DYNC2LI1: variants seen among roughly 807,000 people sequenced by gnomAD.
DYNC2LI1 encodes the protein cytoplasmic dynein 2 light intermediate chain 1.
In DYNC2LI1, 45 loss-of-function variants were observed where a neutral mutation model predicts 51.9. That is an observed-to-expected ratio of 0.87 (90% CI 0.68 to 1.11). The LOEUF (loss-of-function observed/expected upper bound fraction) is 1.11, where lower values mean the gene tolerates loss of function less well. Ranked by LOEUF, DYNC2LI1 falls within the 50% of genes most tolerant of loss-of-function variation. The pLI, the probability that DYNC2LI1 is intolerant of heterozygous loss-of-function variation, is 0.00. For synonymous variants in DYNC2LI1, 130 were observed against 137.8 expected, an observed-to-expected ratio of 0.94 and a Z score of 0.40; for missense variants, 490 against 417.4, an observed-to-expected ratio of 1.17 and a Z score of -1.51.
the DYNC2LI1 span, chr2:43,826,633 G>T: frequency 6.6e-7 from 1 of 1,511,170 alleles, no homozygotes; most frequent in Non-Finnish European, 9.1e-7. Flanking sequence ...TTCAAACAGT[G>T]TGCGGTGGGA....
chr2:43,823,088 A>G, the DYNC2LI1 span, among the ~76,000 whole-genome samples: 1 of 142,330 alleles, frequency 7.0e-6, no homozygotes, highest in South Asian at 2.2e-4. Flanking sequence ...CCTGCCATCC[A>G]CAGGACAATA....
At chr2:43,782,707 C>T (rs368604329) in intron 2 of DYNC2LI1, among the ~76,000 whole-genome samples, 6 of 152,174 alleles carry the variant, frequency 3.9e-5, no homozygotes, top group Non-Finnish European at 8.8e-5. Flanking sequence ...TGGGGTTGGG[C>T]ATGGTGGCTC....
the DYNC2LI1 span, chr2:43,828,086 C>G: frequency 6.2e-7 from 1 of 1,614,086 alleles, no homozygotes; most frequent in East Asian, 2.2e-5. Context: ...CCACATGGCT[C>G]AGACTCAGCT....
At chr2:43,824,965 C>A in the DYNC2LI1 span, 9 of 1,613,948 alleles carry the variant, frequency 5.6e-6, no homozygotes, top group South Asian at 9.9e-5. Flanking sequence ...TTTCCGCTGG[C>A]GTGCCACAGA....
chr2:43,787,135 A>G, intron 3 of DYNC2LI1, 46 bp from the exon 4 acceptor site: 1 of 1,500,202 alleles, frequency 6.7e-7, no homozygotes, highest in Non-Finnish European at 9.2e-7. Context: ...AGCATAAGAA[A>G]CTAATACCAC....
the DYNC2LI1 span, among the ~76,000 whole-genome samples, chr2:43,827,215 C>G: frequency 6.6e-6 from 1 of 151,868 alleles, no homozygotes; most frequent in East Asian, 1.9e-4. Context: ...ATCCCAGCTA[C>G]TCAGGAGGCT....
chr2:43,822,563 T>C, the DYNC2LI1 span: 1 of 983,264 alleles, frequency 1.0e-6, no homozygotes, highest in Non-Finnish European at 1.2e-6. Flanking sequence ...GGACAGGTCA[T>C]TCCCAGGCAC....
At chr2:43,809,666 A>T in intron 12 of DYNC2LI1, 39 bp from the exon 13 acceptor site, 1 of 1,491,150 alleles carries the variant, frequency 6.7e-7, no homozygotes, top group Non-Finnish European at 9.3e-7. Flanking sequence ...GAATTAGTAA[A>T]GTTGATTTTT....
chr2:43,806,539 A>T (rs1468624400), intron 12 of DYNC2LI1, among the ~76,000 whole-genome samples: 1 of 152,210 alleles, frequency 6.6e-6, no homozygotes, highest in East Asian at 1.9e-4. Context: ...CAGGAAAATG[A>T]CCTTATGTAA....
chr2:43,800,383 A>G (rs991726896), intron 8 of DYNC2LI1, among the ~76,000 whole-genome samples: 1 of 152,078 alleles, frequency 6.6e-6, no homozygotes, highest in African/African-American at 2.4e-5. Context: ...TCCCACAGTG[A>G]CTCTTTGGAA....
the DYNC2LI1 span, among the ~76,000 whole-genome samples, chr2:43,817,858 C>T: frequency 2.0e-5 from 3 of 151,870 alleles, no homozygotes; most frequent in Middle Eastern, 3.4e-3. Context: ...TACAGTGAGC[C>T]GAGATCGCGC....
In DYNC2LI1 at chr2:43,787,354, C is replaced by G. The variant is rs1414856343; in HGVS notation, c.231+104C>G. The G allele has an allele frequency of 4.3e-6, 4 of 921,046 alleles. No individual in the cohort carries two copies. In the East Asian group the frequency reaches 1.0e-4, roughly 24 times the overall value. The allele number at this position is 921,046 out of a possible 1,614,324, so 57.1% of individuals were successfully genotyped here. Reference sequence around the variant, plus strand: ...CTCATCTGTAATCAATAAACATACCCAGTTGTACACTTCGTAGCTGTCTAC... The same window carrying G: ...CTCATCTGTAATCAATAAACATACCGAGTTGTACACTTCGTAGCTGTCTAC... On this transcript the variant is annotated intron_variant, in intron 4 of 12. Coordinates refer to ENST00000260605, the MANE Select transcript of DYNC2LI1 (RefSeq NM_016008.4).
chr2:43,787,394 T>C, intron 4 of DYNC2LI1, 144 bp downstream of exon 4: 1 of 646,520 alleles, frequency 1.5e-6, no homozygotes, highest in South Asian at 2.2e-5. Flanking sequence ...AAACTTCAAA[T>C]GCAGTGTGGC....
At chr2:43,827,341 A>ATT in the DYNC2LI1 span, among the ~76,000 whole-genome samples, 135 of 151,732 alleles carry the variant, frequency 8.9e-4, 2 homozygotes, top group East Asian at 9.9e-3. Context: ...AAAAAAAAAA[A>ATT]AGTGACAAGA....
intron 2 of DYNC2LI1, among the ~76,000 whole-genome samples, chr2:43,782,329 A>G (rs1243440174): frequency 6.6e-6 from 1 of 152,068 alleles, no homozygotes; most frequent in Non-Finnish European, 1.5e-5. Flanking sequence ...AAATTTACTC[A>G]ATTTGATCGT....
At chr2:43,788,970 A>G (rs971638879) in intron 4 of DYNC2LI1, among the ~76,000 whole-genome samples, 1 of 152,164 alleles carries the variant, frequency 6.6e-6, no homozygotes, top group Non-Finnish European at 1.5e-5. Context: ...TTGGCTGCCT[A>G]GCCCTGTCAG....
intron 2 of DYNC2LI1, among the ~76,000 whole-genome samples, chr2:43,782,128 T>C (rs1337705828): frequency 6.6e-6 from 1 of 152,188 alleles, no homozygotes; most frequent in East Asian, 1.9e-4. Flanking sequence ...AGTATATTTC[T>C]ACATTGTCAT....
chr2:43,804,806 C>A, intron 11 of DYNC2LI1, 67 bp downstream of exon 11: 1 of 923,930 alleles, frequency 1.1e-6, no homozygotes, highest in Non-Finnish European at 1.6e-6. Context: ...GGAAATGTGT[C>A]AAAGGGCTTA....
chr2:43,787,337 T>A, intron 4 of DYNC2LI1, 87 bp downstream of exon 4: 1 of 1,137,482 alleles, frequency 8.8e-7, no homozygotes, highest in Non-Finnish European at 1.3e-6. Flanking sequence ...ATCTCATCTG[T>A]AATCAATAAA....
Sources: allele counts gnomAD v4.1 joint callset (sites outside exome capture counted in the v4.1 genomes callset), GRCh38; gene constraint gnomAD v4.1.1; transcripts MANE v1.5; gene names NCBI Gene and HGNC (gene_info 2026-07-23, HGNC 2026-07-21).